Variants in FSTL4 observed in about 807,000 individuals in gnomAD.
FSTL4 encodes follistatin-related protein 4.
In FSTL4, 28 loss-of-function variants were observed where a neutral mutation model predicts 78.2. The observed-to-expected ratio is 0.36, with a 90% CI of 0.27 to 0.49. The LOEUF (loss-of-function observed/expected upper bound fraction) is 0.49, where lower values mean the gene tolerates loss of function less well. Among genes scored for constraint, FSTL4 ranks in the 20% least tolerant of loss-of-function variants. The probability of loss-of-function intolerance (pLI) is 0.98; values close to 1 mark genes in which losing one functional copy is unlikely to be tolerated. For synonymous variants in FSTL4, 422 were observed against 440.5 expected, an observed-to-expected ratio of 0.96 and a Z score of 0.53; for missense variants, 922 against 1,084.9, an observed-to-expected ratio of 0.85 and a Z score of 2.11.
the FSTL4 span, among the ~76,000 whole-genome samples, chr5:133,658,174 A>T: frequency 6.6e-6 from 1 of 152,174 alleles, no homozygotes; most frequent in Non-Finnish European, 1.5e-5. Context: ...ACATTTGATT[A>T]GCTAATACCA....
intron 3 of FSTL4, among the ~76,000 whole-genome samples, chr5:133,493,226 A>T (rs778933744): frequency 3.2e-4 from 48 of 152,114 alleles, no homozygotes; most frequent in Non-Finnish European, 5.7e-4. Flanking sequence ...CCCGATGGCA[A>T]ATTAGTTCCT....
chr5:133,418,148 A>G (rs1756617265), intron 3 of FSTL4, among the ~76,000 whole-genome samples: 1 of 151,874 alleles, frequency 6.6e-6, no homozygotes, highest in Admixed American at 6.6e-5. Context: ...AATAGAGAAA[A>G]ATCAGCAAAG....
chr5:133,752,596 C>T, the FSTL4 span, among the ~76,000 whole-genome samples: 5 of 151,734 alleles, frequency 3.3e-5, no homozygotes, highest in East Asian at 1.9e-4. Context: ...GGCGACAGAG[C>T]GAGGCTCTGT....
At chr5:133,208,057 C>CATTT (rs1750582444) in intron 14 of FSTL4, 1 of 152,168 alleles carries the variant, frequency 6.6e-6, no homozygotes, top group Non-Finnish European at 1.5e-5. Flanking sequence ...ACTTATTGTA[C>CATTT]ATTTCTAGAT....
intron 1 of FSTL4, among the ~76,000 whole-genome samples, chr5:133,609,700 C>T (rs372862904): frequency 2.0e-5 from 3 of 152,330 alleles, no homozygotes; most frequent in East Asian, 3.9e-4. Context: ...AATTAGATGG[C>T]TACATTATTC....
At chr5:133,224,158 C>A in intron 11 of FSTL4, 32 bp downstream of exon 11, 1 of 1,596,004 alleles carries the variant, frequency 6.3e-7, no homozygotes, top group Non-Finnish European at 8.6e-7. Flanking sequence ...CACGTGATCA[C>A]AGGCATGACG....
At chr5:133,452,336 T>C (rs1049597122) in intron 3 of FSTL4, among the ~76,000 whole-genome samples, 11 of 152,242 alleles carry the variant, frequency 7.2e-5, no homozygotes, top group African/African-American at 2.7e-4. Flanking sequence ...AACAACTGAA[T>C]TTTTTAAAGG....
chr5:133,273,964 C>T (rs999434679), intron 6 of FSTL4, among the ~76,000 whole-genome samples: 1 of 152,192 alleles, frequency 6.6e-6, no homozygotes, highest in Non-Finnish European at 1.5e-5. Context: ...TGGTCCTTAG[C>T]CTGCTGCATC....
the FSTL4 span, among the ~76,000 whole-genome samples, chr5:133,676,475 CA>C: frequency 3.3e-5 from 5 of 152,264 alleles, no homozygotes; most frequent in South Asian, 1.0e-3. Flanking sequence ...TTCAGTTCTC[CA>C]AAAATCCTTT....
chr5:133,665,483 G>C, the FSTL4 span, among the ~76,000 whole-genome samples: 1 of 152,116 alleles, frequency 6.6e-6, no homozygotes, highest in Non-Finnish European at 1.5e-5. Context: ...CAGAAGTAAG[G>C]GAGCACCCAG....
At chr5:133,211,651 T>C (rs891216781) in intron 13 of FSTL4, among the ~76,000 whole-genome samples, 44 of 152,216 alleles carry the variant, frequency 2.9e-4, no homozygotes, top group African/African-American at 1.1e-3. Flanking sequence ...GACCATTCTG[T>C]AATCCTATTT....
At chr5:133,330,147 A>T (rs1754309381) in intron 4 of FSTL4, among the ~76,000 whole-genome samples, 1 of 152,198 alleles carries the variant, frequency 6.6e-6, no homozygotes, top group South Asian at 2.1e-4. Context: ...GGCCTCCATG[A>T]GTGCAGCTGG....
chr5:133,635,849 C>G, the FSTL4 span, among the ~76,000 whole-genome samples: 1 of 152,198 alleles, frequency 6.6e-6, no homozygotes. Context: ...ATCATCACTC[C>G]TTTCTCTTCC....
intron 6 of FSTL4, among the ~76,000 whole-genome samples, chr5:133,299,753 G>A (rs1339059340): frequency 6.6e-6 from 1 of 152,194 alleles, no homozygotes; most frequent in Non-Finnish European, 1.5e-5. Flanking sequence ...GGGAAGGTGT[G>A]TGCACATCTT....
the FSTL4 span, among the ~76,000 whole-genome samples, chr5:133,819,600 G>C: frequency 6.6e-6 from 1 of 152,196 alleles, no homozygotes; most frequent in Non-Finnish European, 1.5e-5. Flanking sequence ...TGGAGGCGCA[G>C]GCAGGTTTAG....
At chr5:133,389,891 G>A (rs1401617205) in intron 4 of FSTL4, among the ~76,000 whole-genome samples, 1 of 152,216 alleles carries the variant, frequency 6.6e-6, no homozygotes, top group African/African-American at 2.4e-5. Context: ...AGACAAAGAT[G>A]GGGTGGAGGA....
chr5:133,590,278 GA>G (rs1252371914), intron 2 of FSTL4, among the ~76,000 whole-genome samples: 5 of 152,076 alleles, frequency 3.3e-5, no homozygotes, highest in Non-Finnish European at 7.4e-5. Flanking sequence ...TCACCCTAGA[GA>G]TGTCCCTGGT....
chr5:133,399,705 G>GT (rs1756169344), intron 4 of FSTL4, among the ~76,000 whole-genome samples: 1 of 152,196 alleles, frequency 6.6e-6, no homozygotes, highest in African/African-American at 2.4e-5. Flanking sequence ...TTGTCTTCTA[G>GT]TGTTGCAGGC....
chr5:133,778,708 C>G, the FSTL4 span, among the ~76,000 whole-genome samples: 1 of 152,188 alleles, frequency 6.6e-6, no homozygotes, highest in Non-Finnish European at 1.5e-5. Context: ...TCCAAAACCT[C>G]CCTTTGAAAG....
Sources: allele counts gnomAD v4.1 joint callset (sites outside exome capture counted in the v4.1 genomes callset), GRCh38; gene constraint gnomAD v4.1.1; transcripts MANE v1.5; gene names NCBI Gene and HGNC (gene_info 2026-07-23, HGNC 2026-07-21).